CADM1: variants seen among roughly 807,000 people sequenced by gnomAD.
The protein encoded by CADM1 is cell adhesion molecule 1, also known as TSLC-1.
In CADM1, 15 loss-of-function variants were observed where a neutral mutation model predicts 53.1. The observed-to-expected ratio is 0.28, with a 90% CI of 0.19 to 0.44. CADM1 has a LOEUF of 0.44. CADM1 is among the 20% of genes least tolerant of loss of function. The pLI is 1.00. For missense variants in CADM1, 434 were observed against 611.3 expected, an observed-to-expected ratio of 0.71 and a Z score of 3.06; for synonymous variants, 281 against 243.0, an observed-to-expected ratio of 1.16 and a Z score of -1.45.
rs547930997 is a variant in CADM1 at position 115,332,410 on chromosome 11, T to C, written c.125-91990A>G. 3.3e-5 allele frequency among the ~76,000 whole-genome samples: 5 copies of C among 152,300 alleles called. No homozygotes were observed. In the East Asian group the frequency reaches 5.8e-4, roughly 18 times the overall value. ...AGTGAAATGAAGATGAAGGTCATTT[T>C]AGTTGAGGGATTTAAAGAACTACGA... On this transcript the variant is annotated intron_variant, in intron 1 of 11. Coordinates refer to ENST00000331581, the MANE Select transcript of CADM1 (RefSeq NM_001301043.2).
chr11:115,318,538 C>T (rs766990782), intron 1 of CADM1, among the ~76,000 whole-genome samples: 5 of 152,022 alleles, frequency 3.3e-5, no homozygotes, highest in African/African-American at 1.2e-4. Flanking sequence ...GGAGATGTGG[C>T]GGAATCAAGA....
intron 1 of CADM1, among the ~76,000 whole-genome samples, chr11:115,259,604 C>G (rs1942907721): frequency 6.6e-6 from 1 of 152,078 alleles, no homozygotes. Flanking sequence ...CCATGTCCAG[C>G]CAACTTTTTG....
intron 10 of CADM1, among the ~76,000 whole-genome samples, chr11:115,187,015 T>C (rs369202811): frequency 6.6e-6 from 1 of 152,218 alleles, no homozygotes; most frequent in South Asian, 2.1e-4. Context: ...AATAATTTTG[T>C]TGAATGAATA....
chr11:115,242,350 A>G (rs1434764165), intron 1 of CADM1, among the ~76,000 whole-genome samples: 5 of 152,026 alleles, frequency 3.3e-5, no homozygotes, highest in Non-Finnish European at 7.4e-5. Flanking sequence ...AAAAAAAAAA[A>G]AAAAATGAAC....
At chr11:115,301,067 G>A (rs1944208443) in intron 1 of CADM1, among the ~76,000 whole-genome samples, 1 of 152,018 alleles carries the variant, frequency 6.6e-6, no homozygotes, top group Non-Finnish European at 1.5e-5. Flanking sequence ...CACTGAGTGA[G>A]GGCAGGAGAA....
intron 1 of CADM1, among the ~76,000 whole-genome samples, chr11:115,421,010 T>C (rs1225171564): frequency 3.3e-5 from 5 of 152,332 alleles, no homozygotes; most frequent in South Asian, 2.1e-4. Context: ...TGTGCAGGGA[T>C]GTTTTTTAAT....
At chr11:115,215,077 T>C (rs1385008293) in intron 6 of CADM1, among the ~76,000 whole-genome samples, 2 of 152,116 alleles carry the variant, frequency 1.3e-5, no homozygotes, top group Non-Finnish European at 2.9e-5. Flanking sequence ...CGCTGTGTGG[T>C]TTCACACCAA....
intron 1 of CADM1, among the ~76,000 whole-genome samples, chr11:115,358,888 C>T (rs904738771): frequency 1.1e-4 from 17 of 152,068 alleles, no homozygotes; most frequent in African/African-American, 4.1e-4. Context: ...ATACTATTTC[C>T]CTTATCATTC....
rs568626015 is a variant in CADM1 at position 115,256,331 on chromosome 11, G to C, written c.125-15911C>G. ...TAACAAGAGTCTTAAGCTTGAGGCA[G>C]AAAGAATCAGGCTTGGAATGAGCCT... On this transcript the variant is annotated intron_variant, in intron 1 of 11. Transcript: ENST00000331581. Among the ~76,000 whole-genome samples the C allele has an allele frequency of 2.6e-5, 4 of 152,360 alleles. No homozygotes were observed. The South Asian group carries it at 8.3e-4, about 32-fold the overall frequency.
intron 1 of CADM1, among the ~76,000 whole-genome samples, chr11:115,412,274 A>T (rs548348792): frequency 6.6e-6 from 1 of 152,120 alleles, no homozygotes; most frequent in Admixed American, 6.6e-5. Flanking sequence ...GCTCACTGCA[A>T]CCTCTACCTC....
rs369650830 is a variant in CADM1, at chr11:115,329,759, A to G, written c.125-89339T>C. Among the ~76,000 whole-genome samples, 4 of 152,076 alleles carry G rather than the reference A, an allele frequency of 2.6e-5. No individual in the cohort carries two copies. The East Asian group carries it at 7.8e-4, about 30-fold the overall frequency. The stretch of plus-strand genomic sequence containing the variant: ...CACACAGACAAACTGAAGGATGGTA[A>G]ATGCGGAGGATTTTATTGCTGGATG... On this transcript the variant is annotated intron_variant, in intron 1 of 11. Transcript: ENST00000331581.
At chr11:115,449,207 G>A (rs1948517866) in intron 1 of CADM1, among the ~76,000 whole-genome samples, 1 of 152,172 alleles carries the variant, frequency 6.6e-6, no homozygotes, top group Admixed American at 6.5e-5. Flanking sequence ...TATGCCTGCA[G>A]GGATGCTCAA....
chr11:115,302,336 T>G (rs1565352815), intron 1 of CADM1, among the ~76,000 whole-genome samples: 1 of 152,074 alleles, frequency 6.6e-6, no homozygotes, highest in East Asian at 1.9e-4. Flanking sequence ...TTATAGTCAT[T>G]ATGTGAAATA....
intron 1 of CADM1, among the ~76,000 whole-genome samples, chr11:115,322,976 G>A (rs1944863043): frequency 6.6e-6 from 1 of 151,916 alleles, no homozygotes; most frequent in Non-Finnish European, 1.5e-5. Flanking sequence ...GTGTCATATT[G>A]GTAACTCTAT....
At chr11:115,249,973 C>T (rs1365434431) in intron 1 of CADM1, among the ~76,000 whole-genome samples, 3 of 152,020 alleles carry the variant, frequency 2.0e-5, no homozygotes, top group Admixed American at 6.5e-5. Flanking sequence ...AGTGCGATCT[C>T]GGCTCACTGC....
intron 7 of CADM1, among the ~76,000 whole-genome samples, chr11:115,212,452 T>C (rs7482812): frequency 0.1 from 15,969 of 152,148 alleles, 1,563 homozygotes; most frequent in East Asian, 0.35. Flanking sequence ...TTAGGGGAGA[T>C]AGGTAGTATA....
intron 1 of CADM1, among the ~76,000 whole-genome samples, chr11:115,284,090 C>CTCTCTCTCTCTCTCTCTCTT (rs1943659327): frequency 8.7e-6 from 1 of 114,312 alleles, no homozygotes; most frequent in African/African-American, 3.5e-5. Context: ...CCCAGACACT[C>CTCTCTCTCTCTCTCTCTCTT]TCTCTCTCTC....
At chr11:115,212,920 A>C (rs1350439697) in intron 7 of CADM1, among the ~76,000 whole-genome samples, 1 of 152,226 alleles carries the variant, frequency 6.6e-6, no homozygotes, top group Non-Finnish European at 1.5e-5. Context: ...TGCTAGCTAT[A>C]AACTACTATC....
intron 9 of CADM1, among the ~76,000 whole-genome samples, chr11:115,193,421 AT>A (rs1591591890): frequency 2.0e-5 from 3 of 152,244 alleles, no homozygotes; most frequent in East Asian, 1.9e-4. Context: ...TGGTAATTTA[AT>A]ATATGCATGA....
Sources: allele counts gnomAD v4.1 joint callset (sites outside exome capture counted in the v4.1 genomes callset), GRCh38; gene constraint gnomAD v4.1.1; transcripts MANE v1.5; gene names NCBI Gene and HGNC (gene_info 2026-07-23, HGNC 2026-07-21).